CNTN3: variants seen among roughly 807,000 people sequenced by gnomAD.
The protein encoded by CNTN3 is contactin 3, also known as contactin-3.
In CNTN3, 60 loss-of-function variants were observed where a neutral mutation model predicts 119.1. That is an observed-to-expected ratio of 0.50 (90% CI 0.41 to 0.62). The LOEUF is 0.62. CNTN3 is among the 20% of genes least tolerant of loss of function. The pLI, the probability that CNTN3 is intolerant of heterozygous loss-of-function variation, is 0.00. For missense variants in CNTN3, 1,101 were observed against 1,242.4 expected (o/e 0.89, Z 1.71); for synonymous variants, 450 against 438.7 (o/e 1.03, Z -0.32).
intron 14 of CNTN3, among the ~76,000 whole-genome samples, chr3:74,302,097 G>T (rs371205560): frequency 6.6e-6 from 1 of 152,272 alleles, no homozygotes; most frequent in South Asian, 2.1e-4. Flanking sequence ...TGTTCAGCAG[G>T]ATTCCTGTAC....
chr3:74,390,937 G>A lies in CNTN3; in HGVS notation c.455-19538C>T, dbSNP rs772181811. Among the ~76,000 whole-genome samples, 111 of 152,136 alleles carry A rather than the reference G, an allele frequency of 7.3e-4. 1 individual carries two copies. Among genetic ancestry groups the A allele is most frequent in the South Asian group, 2.9e-3 (14 of 4,820 alleles). On this transcript the variant is annotated intron_variant, in intron 5 of 22. Transcript: ENST00000263665. ...AAAGTATTTCCTTTTACATTTATTC[G>A]TTTTTCTGCCGCTACTCTATTTATC... is the stretch of plus-strand genomic sequence containing the variant.
intron 13 of CNTN3, among the ~76,000 whole-genome samples, chr3:74,318,307 T>C (rs506646): frequency 0.074 from 11,283 of 152,226 alleles, 481 homozygotes; most frequent in East Asian, 0.14. Context: ...TCAGAGTAGT[T>C]TGATCGTCTG....
chr3:74,581,857 T>A (rs1381258999), intron 1 of CNTN3, among the ~76,000 whole-genome samples: 1 of 152,190 alleles, frequency 6.6e-6, no homozygotes, highest in East Asian at 1.9e-4. Context: ...ACGGGGGAAG[T>A]CTTGTTAATA....
At chr3:74,269,406 G>C (rs1701725139) in intron 20 of CNTN3, among the ~76,000 whole-genome samples, 1 of 152,056 alleles carries the variant, frequency 6.6e-6, no homozygotes, top group African/African-American at 2.4e-5. Flanking sequence ...TTTTGGACCA[G>C]AGAAACTTTC....
chr3:74,518,397 A>G (rs1162476519), intron 2 of CNTN3, among the ~76,000 whole-genome samples: 1 of 151,978 alleles, frequency 6.6e-6, no homozygotes, highest in African/African-American at 2.4e-5. Flanking sequence ...GAGGATGTCA[A>G]GATTTATATG....
At position 74,362,342 on chromosome 3, in the gene CNTN3, T is replaced by A. The variant is rs748933791; in HGVS notation, c.1214-302A>T. Among the ~76,000 whole-genome samples the A allele has an allele frequency of 8.2e-4, 125 of 152,326 alleles. 2 individuals are homozygous for A. The Middle Eastern group carries it at 0.017, about 21-fold the overall frequency. On this transcript the variant is annotated intron_variant, in intron 10 of 22. Coordinates refer to ENST00000263665, the MANE Select transcript of CNTN3 (RefSeq NM_020872.3). ...ATTTGGTATAGAACGTTTTTAAATG[T>A]TAGCTCCACGAAGACAGGAATAGGG...
intron 13 of CNTN3, among the ~76,000 whole-genome samples, chr3:74,321,635 T>G (rs1312637880): frequency 3.8e-4 from 57 of 151,856 alleles, no homozygotes; most frequent in Admixed American, 3.7e-3. Flanking sequence ...AGCAATAAAA[T>G]CAATCATCTC....
At chr3:74,460,018 A>G (rs1702336667) in intron 4 of CNTN3, among the ~76,000 whole-genome samples, 1 of 152,036 alleles carries the variant, frequency 6.6e-6, no homozygotes, top group Non-Finnish European at 1.5e-5. Flanking sequence ...TGAAAAGGGT[A>G]CCCTTCCTCC....
At chr3:74,476,941 T>C (rs1488316254) in intron 4 of CNTN3, among the ~76,000 whole-genome samples, 2 of 151,816 alleles carry the variant, frequency 1.3e-5, no homozygotes, top group East Asian at 1.9e-4. Context: ...ATAGAATAGA[T>C]AACGAGAAGA....
chr3:74,441,187 A>G (rs530101088), intron 4 of CNTN3, among the ~76,000 whole-genome samples: 59 of 152,264 alleles, frequency 3.9e-4, no homozygotes, highest in African/African-American at 1.4e-3. Context: ...CATCTAACCC[A>G]GAAAAAACCC....
intron 1 of CNTN3, among the ~76,000 whole-genome samples, chr3:74,611,728 A>G (rs1705084975): frequency 6.6e-6 from 1 of 152,216 alleles, no homozygotes; most frequent in Admixed American, 6.5e-5. Context: ...TTAATTATAT[A>G]TGCATGTTAA....
rs539627885 is a variant in CNTN3 at position 74,589,888 on chromosome 3, A to G, written c.-81+24503T>C. Among the ~76,000 whole-genome samples, 192 of 144,864 alleles carry G rather than the reference A, an allele frequency of 1.3e-3. 1 individual carries two copies. The highest frequency in any genetic ancestry group is 5.4e-4 in the Non-Finnish European group (36 of 66,442). On this transcript the variant is annotated intron_variant, in intron 1 of 22. Coordinates refer to ENST00000263665, the MANE Select transcript of CNTN3 (RefSeq NM_020872.3). ...AACCAAACACCACATGTTCTCACTC[A>G]TGGATGGGAATTGTACAATGAGAAC...
Position 74,288,465 on chromosome 3 carries a change from T to C in CNTN3, c.2518-2974A>G, listed in dbSNP as rs80039569. 9.9e-3 allele frequency among the ~76,000 whole-genome samples: 1,505 copies of C among 152,188 alleles called. 29 individuals are homozygous for C. The highest frequency in any genetic ancestry group is 0.034 in the African/African-American group (1,427 of 41,522). ...TGAGCCACCACGCCTGGCCTACATCTTTTTTCATTCTAATTCAAATATCAG... is the reference window on the plus strand; with the variant it reads ...TGAGCCACCACGCCTGGCCTACATCCTTTTTCATTCTAATTCAAATATCAG... On this transcript the variant is annotated intron_variant, in intron 19 of 22. Coordinates refer to ENST00000263665, the MANE Select transcript of CNTN3 (RefSeq NM_020872.3).
chr3:74,578,954 A>T (rs1289009749), intron 1 of CNTN3, among the ~76,000 whole-genome samples: 1 of 152,102 alleles, frequency 6.6e-6, no homozygotes, highest in African/African-American at 2.4e-5. Context: ...TATCTGCTGC[A>T]ATTAAAAGGC....
At chr3:74,347,609 T>C (rs1166448761) in intron 11 of CNTN3, among the ~76,000 whole-genome samples, 1 of 152,204 alleles carries the variant, frequency 6.6e-6, no homozygotes, top group Non-Finnish European at 1.5e-5. Context: ...AAAAATTTTA[T>C]CTTTTCCACT....
At chr3:74,583,254 C>T (rs1164291414) in intron 1 of CNTN3, among the ~76,000 whole-genome samples, 1 of 151,982 alleles carries the variant, frequency 6.6e-6, no homozygotes, top group African/African-American at 2.4e-5. Flanking sequence ...AATAAAGAAA[C>T]ACACAAGCTA....
At chr3:74,375,776 T>C (rs951364713) in intron 5 of CNTN3, among the ~76,000 whole-genome samples, 4 of 152,270 alleles carry the variant, frequency 2.6e-5, no homozygotes, top group African/African-American at 7.2e-5. Context: ...ATAAGCAACA[T>C]AGGCCTGCCA....
intron 4 of CNTN3, among the ~76,000 whole-genome samples, chr3:74,431,653 C>T (rs1701785136): frequency 6.6e-6 from 1 of 151,994 alleles, no homozygotes; most frequent in Non-Finnish European, 1.5e-5. Flanking sequence ...CTGAAAAGGC[C>T]ACATGTGCAA....
At chr3:74,517,512 T>C (rs1486345133) in intron 2 of CNTN3, among the ~76,000 whole-genome samples, 2 of 151,900 alleles carry the variant, frequency 1.3e-5, no homozygotes, top group African/African-American at 4.8e-5. Flanking sequence ...TACATGTCAG[T>C]AAGTATAATT....
Sources: gnomAD v4.1 joint callset for allele counts (sites outside exome capture counted in the v4.1 genomes callset) on GRCh38, gnomAD v4.1.1 for gene constraint, MANE v1.5 for transcripts, NCBI Gene and HGNC (gene_info 2026-07-23, HGNC 2026-07-21) for gene names.